The following KIRREL3 variants were observed in gnomAD, a reference collection of about 807,000 sequenced individuals.
KIRREL3 encodes the protein kin of IRRE-like protein 3.
Under a neutral mutation model 89.7 loss-of-function variants are expected in KIRREL3, and 36 were observed. The ratio of observed to expected loss-of-function variants is 0.40; its 90% confidence interval spans 0.31 to 0.53. The LOEUF (loss-of-function observed/expected upper bound fraction) is 0.53. Among genes scored for constraint, KIRREL3 ranks in the 20% least tolerant of loss-of-function variants. The probability of loss-of-function intolerance (pLI) is 0.49; values close to 1 mark genes in which losing one functional copy is unlikely to be tolerated. For synonymous variants in KIRREL3, 445 were observed against 441.4 expected, an observed-to-expected ratio of 1.01 and a Z score of -0.10; for missense variants, 864 against 1,056.6, an observed-to-expected ratio of 0.82 and a Z score of 2.53.
chr11:126,431,398 T>C lies in KIRREL3; in HGVS notation c.1696+21A>G. The C allele has an allele frequency of 6.2e-7, 1 of 1,613,652 alleles. No homozygotes were observed. The highest frequency in any genetic ancestry group is 8.5e-7 in the Non-Finnish European group (1 of 1,179,772). ...TTTTTCTCTGTCCCCCTCCCTGAGA[T>C]CCCGGATCTCCCTCCCGTACTTCTC... On this transcript the variant is annotated intron_variant, in intron 14 of 16. Coordinates refer to ENST00000525144, the MANE Select transcript of KIRREL3 (RefSeq NM_032531.4). The surrounding 1 kb of genome is among the most constrained non-coding windows in gnomAD (Gnocchi z 7.1).
In KIRREL3 at chr11:126,562,712, CT is replaced by C. The variant is rs1940218158; in HGVS notation, c.133+122del. ...ATGGCTTCATGGAAACCAAACTGGT[CT>C]TCCCACTGTCCCCTTCTGAGAGGTC... On this transcript the variant is annotated intron_variant, in intron 2 of 16. Coordinates refer to ENST00000525144, the MANE Select transcript of KIRREL3 (RefSeq NM_032531.4). This position sits in a 1 kb window ranked among gnomAD's most constrained non-coding sequence, Gnocchi z 4.7. 5.7e-6 allele frequency: 4 copies of C among 706,658 alleles called. No individual in the cohort carries two copies. The South Asian group carries it at 8.6e-5, about 15-fold the overall frequency. 43.8% of individuals were successfully genotyped at this position (706,658 alleles called of 1,614,324 possible). A position where few individuals can be genotyped will look rare whatever the true frequency, so the allele number is the denominator to read the frequency against.
intron 1 of KIRREL3, among the ~76,000 whole-genome samples, chr11:126,979,676 C>T (rs978378884): frequency 2.0e-5 from 3 of 152,142 alleles, no homozygotes; most frequent in Non-Finnish European, 2.9e-5. Flanking sequence ...TCAGTTTCCT[C>T]GTCAGCAAAA....
At chr11:126,619,378 T>C (rs1027266850) in intron 1 of KIRREL3, among the ~76,000 whole-genome samples, 2 of 152,210 alleles carry the variant, frequency 1.3e-5, no homozygotes, top group Non-Finnish European at 2.9e-5. Context: ...CCAGATGGTG[T>C]AGGGCCCACC....
At chr11:126,982,618 T>A (rs1484618688) in intron 1 of KIRREL3, among the ~76,000 whole-genome samples, 1 of 152,308 alleles carries the variant, frequency 6.6e-6, no homozygotes. Flanking sequence ...CCACGTACTG[T>A]TTCTACCCAT....
rs1432488838 is a variant in KIRREL3 at position 126,615,739 on chromosome 11, A to G, written c.56-52827T>C. On this transcript the variant is annotated intron_variant, in intron 1 of 16. Transcript: ENST00000525144. This position sits in a 1 kb window ranked among gnomAD's most constrained non-coding sequence, Gnocchi z 5.4. ...CCACCTACCCCACATTCCTCCAGTG[A>G]GGTGTTGGCCCGGTCCAGAGGCAGA... is the stretch of plus-strand genomic sequence containing the variant. Among the ~76,000 whole-genome samples, 4 of 152,120 alleles carry G rather than the reference A, an allele frequency of 2.6e-5. No individual in the cohort carries two copies. The highest frequency in any genetic ancestry group is 7.2e-5 in the African/African-American group (3 of 41,424).
chr11:126,517,127 A>AGT (rs1555132480), intron 4 of KIRREL3, among the ~76,000 whole-genome samples: 2 of 118,856 alleles, frequency 1.7e-5, no homozygotes, highest in Admixed American at 9.1e-5. Context: ...ATTGAGAGAG[A>AGT]GAGAGAGAAA....
rs1458306258 is a variant in KIRREL3, at chr11:126,752,255, A to G, written c.56-189343T>C. Among the ~76,000 whole-genome samples the G allele has an allele frequency of 1.3e-5, 2 of 152,140 alleles. No individual in the cohort carries two copies. The highest frequency in any genetic ancestry group is 2.9e-5 in the Non-Finnish European group (2 of 68,032). The stretch of plus-strand genomic sequence containing the variant: ...TAGCTCCCATTATTCTCTTAAACCA[A>G]TAGTTGTCTATGGGTCTTGGGTTTT... On this transcript the variant is annotated intron_variant, in intron 1 of 16. Transcript: ENST00000525144. This position sits in a 1 kb window ranked among gnomAD's most constrained non-coding sequence, Gnocchi z 4.8.
intron 1 of KIRREL3, among the ~76,000 whole-genome samples, chr11:126,958,657 T>G (rs186317086): frequency 2.0e-5 from 3 of 152,370 alleles, no homozygotes; most frequent in African/African-American, 7.2e-5. Flanking sequence ...ACATAGTTTT[T>G]CTGCTTAATC....
At chr11:126,699,302 G>A (rs1029133559) in intron 1 of KIRREL3, among the ~76,000 whole-genome samples, 5 of 152,314 alleles carry the variant, frequency 3.3e-5, no homozygotes, top group African/African-American at 9.6e-5. Context: ...CCCCAGAATT[G>A]CTGAGTGGAT....
chr11:126,798,426 AG>A (rs1297143257), intron 1 of KIRREL3, among the ~76,000 whole-genome samples: 1 of 152,220 alleles, frequency 6.6e-6, no homozygotes, highest in East Asian at 1.9e-4. Flanking sequence ...ACCCCAGAAA[AG>A]CAGAGGTAAC....
At chr11:126,960,879 C>T (rs1185377752) in intron 1 of KIRREL3, among the ~76,000 whole-genome samples, 1 of 152,194 alleles carries the variant, frequency 6.6e-6, no homozygotes, top group Admixed American at 6.5e-5. Flanking sequence ...ACAGCATGTG[C>T]TCACTTTGTG....
intron 1 of KIRREL3, among the ~76,000 whole-genome samples, chr11:126,921,973 ATC>A (rs1947346044): frequency 7.0e-6 from 1 of 143,666 alleles, no homozygotes; most frequent in African/African-American, 2.7e-5. Flanking sequence ...ATATCTATCT[ATC>A]TATCTATCTA....
chr11:126,545,976 T>G (rs903040767), intron 2 of KIRREL3, among the ~76,000 whole-genome samples: 2 of 152,230 alleles, frequency 1.3e-5, no homozygotes, highest in Non-Finnish European at 2.9e-5. Flanking sequence ...AAGTTATTTG[T>G]CTTTCCTAAG....
At position 126,872,896 on chromosome 11, in the gene KIRREL3, C is replaced by A. The variant is rs1371764853; in HGVS notation, c.55+127559G>T. Reference sequence around the variant, plus strand: ...GCATCTAAGTGACGGCCACTGTTCACCAGCTGTGCCGAGTTACTACACAGC... The same window carrying A: ...GCATCTAAGTGACGGCCACTGTTCAACAGCTGTGCCGAGTTACTACACAGC... On this transcript the variant is annotated intron_variant, in intron 1 of 16. Coordinates refer to ENST00000525144, the MANE Select transcript of KIRREL3 (RefSeq NM_032531.4). The surrounding 1 kb of genome is among the most constrained non-coding windows in gnomAD (Gnocchi z 4.2). Among the ~76,000 whole-genome samples, 2 of 152,106 alleles carry A rather than the reference C, an allele frequency of 1.3e-5. No individual in the cohort carries two copies. The highest frequency in any genetic ancestry group is 2.9e-5 in the Non-Finnish European group (2 of 68,024).
At chr11:126,693,571 T>C (rs1565654972) in intron 1 of KIRREL3, among the ~76,000 whole-genome samples, 1 of 151,578 alleles carries the variant, frequency 6.6e-6, no homozygotes, top group Non-Finnish European at 1.5e-5. Flanking sequence ...CATAAGTGTG[T>C]TACATCTGTA....
rs1958566222 is a variant in KIRREL3, at chr11:126,520,920, G to A, written c.433+395C>T. On this transcript the variant is annotated intron_variant, in intron 4 of 16. Coordinates refer to ENST00000525144, the MANE Select transcript of KIRREL3 (RefSeq NM_032531.4). The surrounding 1 kb of genome is among the most constrained non-coding windows in gnomAD (Gnocchi z 4.9). ...GAAAGATAGGGCTTTGTTAGCACCG[G>A]AGTGGGGGTCAGTTCAGAAAGAAGG... Among the ~76,000 whole-genome samples the A allele has an allele frequency of 6.6e-6, 1 of 152,184 alleles. No individual in the cohort carries two copies. The highest frequency in any genetic ancestry group is 1.5e-5 in the Non-Finnish European group (1 of 68,020).
At chr11:126,546,545 A>T (rs1268810219) in intron 2 of KIRREL3, among the ~76,000 whole-genome samples, 1 of 152,198 alleles carries the variant, frequency 6.6e-6, no homozygotes, top group Non-Finnish European at 1.5e-5. Context: ...TGTCCATTTC[A>T]TCTTAATACA....
rs1466357004 is a variant in KIRREL3 at position 126,636,672 on chromosome 11, G to A, written c.56-73760C>T. ...CTGCCAGCACCCTTTCTTGTGTCTT[G>A]GTATCTGCCTGAGACCTTTGTTTTG... is the stretch of plus-strand genomic sequence containing the variant. On this transcript the variant is annotated intron_variant, in intron 1 of 16. Coordinates refer to ENST00000525144, the MANE Select transcript of KIRREL3 (RefSeq NM_032531.4). The surrounding 1 kb of genome is among the most constrained non-coding windows in gnomAD (Gnocchi z 4.4). Among the ~76,000 whole-genome samples, 1 of 152,160 alleles carries A rather than the reference G, an allele frequency of 6.6e-6. No homozygotes were observed. Among genetic ancestry groups the A allele is most frequent in the Non-Finnish European group, 1.5e-5 (1 of 68,032 alleles).
intron 10 of KIRREL3, chr11:126,440,877 T>C: frequency 5.4e-6 from 2 of 373,506 alleles, no homozygotes; most frequent in Non-Finnish European, 9.9e-6. Context: ...AGAATAATTC[T>C]ATCTGGCGGA....
Sources: gnomAD v4.1 joint callset for allele counts (sites outside exome capture counted in the v4.1 genomes callset) on GRCh38, gnomAD v4.1.1 for gene constraint, Gnocchi (gnomAD v3.1) non-coding constraint, MANE v1.5 for transcripts, NCBI Gene and HGNC (gene_info 2026-07-23, HGNC 2026-07-21) for gene names.